The following PRXL2B variants were observed in gnomAD, a reference collection of about 807,000 sequenced individuals.
PRXL2B encodes peroxiredoxin like 2B.
Under a neutral mutation model 24.4 loss-of-function variants are expected in PRXL2B, and 26 were observed. The ratio of observed to expected loss-of-function variants is 1.07; its 90% confidence interval spans 0.78 to 1.48. The LOEUF is 1.48. PRXL2B is among the 40% of genes most tolerant of loss of function. The pLI, the probability that PRXL2B is intolerant of heterozygous loss-of-function variation, is 0.00. For missense variants in PRXL2B, 269 were observed against 264.8 expected, an observed-to-expected ratio of 1.02 and a Z score of -0.11; for synonymous variants, 115 against 118.9, an observed-to-expected ratio of 0.97 and a Z score of 0.21.
At position 2,587,799 on chromosome 1, in the gene PRXL2B, G is replaced by C. The variant is rs926414101; in HGVS notation, c.320+7G>C. 6.1e-5 allele frequency: 98 copies of C among 1,598,500 alleles called. No individual in the cohort carries two copies. Among genetic ancestry groups the C allele is most frequent in the Non-Finnish European group, 8.0e-5 (94 of 1,173,102 alleles). On this transcript the variant is annotated splice_region_variant and intron_variant, in intron 3 of 6. Transcript: ENST00000419916. This position sits in a 1 kb window ranked among gnomAD's most constrained non-coding sequence, Gnocchi z 6.1. ...AGGAGCTAGGCTTCAAGCGGTGAGT[G>C]GGGGCGGGAACCCTTGGGTAGCGTG...
upstream of PRXL2B, chr1:2,586,622 C>A: frequency 1.3e-6 from 1 of 764,956 alleles, no homozygotes. Context: ...GGACTAGGGG[C>A]GAATCCGAGG....
In PRXL2B at chr1:2,586,868, G is replaced by A. The variant is rs1055843820; in HGVS notation, c.-18G>A. 1 of 1,292,982 alleles carries A rather than the reference G, an allele frequency of 7.7e-7. No individual in the cohort carries two copies. Among genetic ancestry groups the A allele is most frequent in the South Asian group, 3.0e-5 (1 of 33,422 alleles). The allele number at this position is 1,292,982 out of a possible 1,614,324, so 80.1% of individuals were successfully genotyped here. A position where few individuals can be genotyped will look rare whatever the true frequency, so the allele number is the denominator to read the frequency against. On this transcript the variant is annotated 5_prime_UTR_variant, in exon 1 of 7. Coordinates refer to ENST00000419916, the MANE Select transcript of PRXL2B (RefSeq NM_152371.5). Reference sequence around the variant, plus strand: ...CAGGGAGTCGGGGAGCCGGGAACCAGGGCTGGCAGCGGCCGCCATGAGCAC... The same window carrying A: ...CAGGGAGTCGGGGAGCCGGGAACCAAGGCTGGCAGCGGCCGCCATGAGCAC...
Position 2,591,017 on chromosome 1 carries a change from G to T in PRXL2B, c.*1590G>T, listed in dbSNP as rs750816175. 3.1e-6 allele frequency: 5 copies of T among 1,603,880 alleles called. No homozygotes were observed. The highest frequency in any genetic ancestry group is 4.3e-6 in the Non-Finnish European group (5 of 1,176,306). ...ACCACACGCGGCATCGCTCCTTGGG[G>T]TGCATGGGGGTGCCCCGGGCACAGT... On this transcript the variant is annotated 3_prime_UTR_variant, in exon 7 of 7. Coordinates refer to ENST00000419916, the MANE Select transcript of PRXL2B (RefSeq NM_152371.5).
rs1036520532 is a variant in PRXL2B at position 2,586,900 on chromosome 1, C to T, written c.15C>T (p.Asp5=). MSTV[D]LARVGACILK... ...CAGCGGCCGCCATGAGCACGGTGGA[C>T]CTTGCTCGCGTGGGCGCGTGCATCC... is the stretch of plus-strand genomic sequence containing the variant. The change falls in exon 1 of 7, where the codon GAC becomes GAT. Residue 5 remains aspartate, a synonymous_variant. Transcript: ENST00000419916. The T allele has an allele frequency of 1.6e-5, 21 of 1,311,002 alleles. No homozygotes were observed. The highest frequency in any genetic ancestry group is 1.9e-5 in the Non-Finnish European group (20 of 1,031,744). 81.2% of individuals were successfully genotyped at this position (1,311,002 alleles called of 1,614,324 possible).
In PRXL2B at chr1:2,589,866, T is replaced by G. The variant is rs1252272512; in HGVS notation, c.*439T>G. 2 of 197,396 alleles carry G rather than the reference T, an allele frequency of 1.0e-5. No homozygotes were observed. The highest frequency in any genetic ancestry group is 2.3e-5 in the African/African-American group (1 of 42,742). 12.2% of individuals were successfully genotyped at this position (197,396 alleles called of 1,614,324 possible). A position where few individuals can be genotyped will look rare whatever the true frequency, so the allele number is the denominator to read the frequency against. ...GGTCGGGGTCAGTGCCTGTGTCTGG[T>G]GGGGGCCACTCAGGAGAGTTGGGTT... On this transcript the variant is annotated 3_prime_UTR_variant, in exon 7 of 7. Transcript: ENST00000419916.
Position 2,588,633 on chromosome 1 carries a change from G to C in PRXL2B, c.460+8G>C. 6.2e-7 allele frequency: 1 copy of C among 1,613,222 alleles called. No homozygotes were observed. The highest frequency in any genetic ancestry group is 2.2e-5 in the East Asian group (1 of 44,852). Reference sequence around the variant, plus strand: ...TGCTGGTGGTCAGCAAAGGTGGGTCGAGGGAGGGGCCTCGGCCACTGCCTC... The same window carrying C: ...TGCTGGTGGTCAGCAAAGGTGGGTCCAGGGAGGGGCCTCGGCCACTGCCTC... On this transcript the variant is annotated splice_region_variant and intron_variant, in intron 5 of 6. Transcript: ENST00000419916.
In PRXL2B at chr1:2,587,348, G is replaced by A; in HGVS notation, c.268+53G>A. ...GCACATACCCTTCCCTAAGCTCAGG[G>A]CGTTCGGGGCCCTTTCCTGCCCAAC... On this transcript the variant is annotated intron_variant, in intron 2 of 6. Coordinates refer to ENST00000419916, the MANE Select transcript of PRXL2B (RefSeq NM_152371.5). This position sits in a 1 kb window ranked among gnomAD's most constrained non-coding sequence, Gnocchi z 6.1. The A allele has an allele frequency of 6.6e-7, 1 of 1,526,092 alleles. No individual in the cohort carries two copies. The highest frequency in any genetic ancestry group is 1.2e-5 in the South Asian group (1 of 83,856). The allele number at this position is 1,526,092 out of a possible 1,614,324, so 94.5% of individuals were successfully genotyped here.
Position 2,587,411 on chromosome 1 carries a change from C to T in PRXL2B, c.268+116C>T. 1.6e-6 allele frequency: 2 copies of T among 1,223,436 alleles called. No homozygotes were observed. Among genetic ancestry groups the T allele is most frequent in the East Asian group, 5.1e-5 (2 of 39,310 alleles). The allele number at this position is 1,223,436 out of a possible 1,614,324, so 75.8% of individuals were successfully genotyped here. ...GTCTGCTGGAGCGGCCTTGATATGCCCACGGGTCAGCGTCCCTCATCTCTC... is the reference window on the plus strand; with the variant it reads ...GTCTGCTGGAGCGGCCTTGATATGCTCACGGGTCAGCGTCCCTCATCTCTC... On this transcript the variant is annotated intron_variant, in intron 2 of 6. Transcript: ENST00000419916. The surrounding 1 kb of genome is among the most constrained non-coding windows in gnomAD (Gnocchi z 6.1).
At chr1:2,586,571 G>T, upstream of PRXL2B, 1 of 457,700 alleles carries the variant, frequency 2.2e-6, no homozygotes, top group East Asian at 3.7e-5. Context: ...TTGGCGCCGC[G>T]ATCTCGAGGC....
In PRXL2B at chr1:2,587,035, G is replaced by A; in HGVS notation, c.64-56G>A. 7.5e-7 allele frequency: 1 copy of A among 1,341,026 alleles called. No individual in the cohort carries two copies. The highest frequency in any genetic ancestry group is 9.5e-7 in the Non-Finnish European group (1 of 1,054,588). 83.1% of individuals were successfully genotyped at this position (1,341,026 alleles called of 1,614,324 possible). A position where few individuals can be genotyped will look rare whatever the true frequency, so the allele number is the denominator to read the frequency against. On this transcript the variant is annotated intron_variant, in intron 1 of 6. Transcript: ENST00000419916. This position sits in a 1 kb window ranked among gnomAD's most constrained non-coding sequence, Gnocchi z 6.1. The stretch of plus-strand genomic sequence containing the variant: ...CAGCGATGGGGTGGTGGGGGCCGCG[G>A]GGCCTGGGCGGGGCTGGGGGCAACG...
chr1:2,586,772 G>C, upstream of PRXL2B: 6 of 1,244,858 alleles, frequency 4.8e-6, no homozygotes, highest in Non-Finnish European at 6.0e-6. Context: ...GGGGCATCTC[G>C]GGGCGGGGCT....
At chr1:2,588,224 G>A (rs1644575228) in intron 3 of PRXL2B, 166 bp from the exon 4 acceptor site, 12 of 860,504 alleles carry the variant, frequency 1.4e-5, no homozygotes, top group Non-Finnish European at 1.8e-5. Context: ...CAACCTGCCG[G>A]TGGGCTGGGC....
chr1:2,588,678 T>C (rs904037116), intron 5 of PRXL2B, 53 bp downstream of exon 5: 1 of 1,582,836 alleles, frequency 6.3e-7, no homozygotes. Context: ...CTTGCTGAAC[T>C]TGGTGGCCCA....
At chr1:2,588,097 C>T (rs1644571982) in intron 3 of PRXL2B, among the ~76,000 whole-genome samples, 1 of 152,190 alleles carries the variant, frequency 6.6e-6, no homozygotes, top group African/African-American at 2.4e-5. Flanking sequence ...CAGGCTGCTT[C>T]CTTTGCTTGG....
rs1456073501 is a variant in PRXL2B, at chr1:2,590,454, G to A, written c.*1027G>A. On this transcript the variant is annotated 3_prime_UTR_variant, in exon 7 of 7. Coordinates refer to ENST00000419916, the MANE Select transcript of PRXL2B (RefSeq NM_152371.5). ...CTGAATGTGTGGTCCCTGGGGGTGG[G>A]CACTTGGGGGCATCCTGGTCACTGC... 2.0e-5 allele frequency: 3 copies of A among 152,974 alleles called. No individual in the cohort carries two copies. Among genetic ancestry groups the A allele is most frequent in the Admixed American group, 1.3e-4 (2 of 15,318 alleles). The allele number at this position is 152,974 out of a possible 1,614,324, so 9.5% of individuals were successfully genotyped here.
intron 6 of PRXL2B, 141 bp from the exon 7 acceptor site, chr1:2,589,269 G>C: frequency 1.5e-6 from 2 of 1,313,702 alleles, no homozygotes; most frequent in Admixed American, 4.2e-5. Flanking sequence ...TGTCCTCAGA[G>C]GTGGGGGCGA....
At position 2,589,474 on chromosome 1, in the gene PRXL2B, C is replaced by T. The variant is rs1192696985; in HGVS notation, c.*47C>T. 4 of 1,613,510 alleles carry T rather than the reference C, an allele frequency of 2.5e-6. No homozygotes were observed. The highest frequency in any genetic ancestry group is 2.5e-6 in the Non-Finnish European group (3 of 1,179,816). ...CCGAGGATCTGGGTGGCGTCTGCTG[C>T]CCTAGGTGTGCTGGAAGTCCACTTG... On this transcript the variant is annotated 3_prime_UTR_variant, in exon 7 of 7. Transcript: ENST00000419916.
At chr1:2,588,816 G>T in intron 5 of PRXL2B, 106 bp from the exon 6 acceptor site, 1 of 1,258,190 alleles carries the variant, frequency 7.9e-7, no homozygotes, top group Non-Finnish European at 1.1e-6. Context: ...GTAGCCGGGT[G>T]GGGGATATGG....
chr1:2,589,541 C>G lies in PRXL2B; in HGVS notation c.*114C>G. 6.9e-7 allele frequency: 1 copy of G among 1,453,482 alleles called. No homozygotes were observed. The highest frequency in any genetic ancestry group is 9.5e-7 in the Non-Finnish European group (1 of 1,056,458). The allele number at this position is 1,453,482 out of a possible 1,614,324, so 90.0% of individuals were successfully genotyped here. ...GGCGCTGGGTCGGGATGCCGAACCT[C>G]TCCTGATCCGCCGGCAGCAACGAGC... is the stretch of plus-strand genomic sequence containing the variant. On this transcript the variant is annotated 3_prime_UTR_variant, in exon 7 of 7. Transcript: ENST00000419916.
Sources: allele counts gnomAD v4.1 joint callset (sites outside exome capture counted in the v4.1 genomes callset), GRCh38; gene constraint gnomAD v4.1.1; non-coding constraint Gnocchi (gnomAD v3.1); transcripts MANE v1.5; gene names NCBI Gene and HGNC (gene_info 2026-07-23, HGNC 2026-07-21).